Variants in MGAT4C observed in about 807,000 individuals in gnomAD.
MGAT4C encodes the protein alpha-1,3-mannosyl-glycoprotein 4-beta-N-acetylglucosaminyltransferase C.
Under a neutral mutation model 40.1 loss-of-function variants are expected in MGAT4C, and 19 were observed. The observed-to-expected ratio is 0.47, with a 90% confidence interval of 0.33 to 0.70. The LOEUF (loss-of-function observed/expected upper bound fraction) is 0.70, where lower values mean the gene tolerates loss of function less well. Ranked by LOEUF, MGAT4C falls within the 30% of genes least tolerant of loss-of-function variation. The probability of loss-of-function intolerance (pLI) is 0.02; values close to 1 mark genes in which losing one functional copy is unlikely to be tolerated. For synonymous variants in MGAT4C, 181 were observed against 187.1 expected (o/e 0.97, Z 0.27); for missense variants, 491 against 563.2 (o/e 0.87, Z 1.30).
intron 3 of MGAT4C, among the ~76,000 whole-genome samples, chr12:86,421,590 G>C (rs1311710745): frequency 6.6e-6 from 1 of 152,028 alleles, no homozygotes; most frequent in East Asian, 1.9e-4. Flanking sequence ...TTGCCAACTA[G>C]CCTAGAGAAA....
intron 4 of MGAT4C, among the ~76,000 whole-genome samples, chr12:86,274,051 G>A (rs920195897): frequency 6.6e-6 from 1 of 152,170 alleles, no homozygotes; most frequent in Admixed American, 6.5e-5. Flanking sequence ...TACAATCATG[G>A]CAGATAATTT....
chr12:86,022,128 A>T (rs1256854560), intron 2 of MGAT4C, among the ~76,000 whole-genome samples: 1 of 152,240 alleles, frequency 6.6e-6, no homozygotes. Context: ...TTGAGTTTAT[A>T]CTAGGTACCA....
At chr12:86,342,030 G>T (rs886992437) in intron 3 of MGAT4C, among the ~76,000 whole-genome samples, 1 of 152,042 alleles carries the variant, frequency 6.6e-6, no homozygotes, top group African/African-American at 2.4e-5. Flanking sequence ...TTTTTTAAGT[G>T]GGTTCCTGTC....
At chr12:86,528,993 G>T (rs549864348) in intron 2 of MGAT4C, among the ~76,000 whole-genome samples, 1 of 151,704 alleles carries the variant, frequency 6.6e-6, no homozygotes, top group Non-Finnish European at 1.5e-5. Context: ...ACCACTAAAA[G>T]AATATTCAAA....
At chr12:86,524,309 T>C (rs1054563820) in intron 2 of MGAT4C, among the ~76,000 whole-genome samples, 1 of 152,200 alleles carries the variant, frequency 6.6e-6, no homozygotes, top group Non-Finnish European at 1.5e-5. Flanking sequence ...CCTCAGCATT[T>C]ACTTGGCTGA....
At chr12:86,437,425 C>T (rs1470473596) in intron 2 of MGAT4C, among the ~76,000 whole-genome samples, 9 of 151,572 alleles carry the variant, frequency 5.9e-5, no homozygotes, top group South Asian at 2.1e-4. Context: ...TTATTGTTGA[C>T]GTCCCCCTCT....
intron 1 of MGAT4C, among the ~76,000 whole-genome samples, chr12:86,771,161 T>C (rs1951627752): frequency 6.6e-6 from 1 of 152,068 alleles, no homozygotes; most frequent in African/African-American, 2.4e-5. Context: ...ACATATCCTT[T>C]CCTCATGGGC....
At chr12:86,672,439 T>A (rs1019192029) in intron 2 of MGAT4C, among the ~76,000 whole-genome samples, 15 of 152,016 alleles carry the variant, frequency 9.9e-5, no homozygotes, top group African/African-American at 3.6e-4. Context: ...AGAGCACAAA[T>A]AAATGAAATT....
intron 3 of MGAT4C, among the ~76,000 whole-genome samples, chr12:86,337,692 T>C (rs1045029107): frequency 6.6e-6 from 1 of 151,562 alleles, no homozygotes; most frequent in Non-Finnish European, 1.5e-5. Flanking sequence ...TTTGAGTAAA[T>C]ATTTGCAGAT....
chr12:86,237,671 T>C (rs1255781440), intron 1 of MGAT4C, among the ~76,000 whole-genome samples: 3 of 151,914 alleles, frequency 2.0e-5, no homozygotes, highest in African/African-American at 7.2e-5. Flanking sequence ...GATAAATTTG[T>C]GTTGCTGTAA....
rs1565788395 is a variant in MGAT4C, at chr12:85,957,670, A to G, written c.*21619T>C. 1 of 148,314 alleles carries G rather than the reference A, an allele frequency of 6.7e-6. No individual in the cohort carries two copies. Among genetic ancestry groups the G allele is most frequent in the African/African-American group, 2.5e-5 (1 of 39,758 alleles). The allele number at this position is 148,314 out of a possible 1,614,324, so 9.2% of individuals were successfully genotyped here. ...TGAATAAGAAAGCAAAAAAAAAAAA[A>G]AAAGAAAAAAGAAAAAAAAAATCTA... On this transcript the variant is annotated 3_prime_UTR_variant, in exon 5 of 5. Transcript: ENST00000611864.
chr12:86,351,739 T>C (rs561341951), intron 3 of MGAT4C, among the ~76,000 whole-genome samples: 1 of 152,198 alleles, frequency 6.6e-6, no homozygotes, highest in Non-Finnish European at 1.5e-5. Flanking sequence ...GGGGAAATGG[T>C]AAATTATTGC....
chr12:86,436,923 T>A (rs1174185971), intron 2 of MGAT4C, among the ~76,000 whole-genome samples: 1 of 151,818 alleles, frequency 6.6e-6, no homozygotes, highest in African/African-American at 2.4e-5. Flanking sequence ...TACCTATTGA[T>A]TATTTGCTAA....
chr12:86,291,788 A>T (rs1953525025), intron 4 of MGAT4C, among the ~76,000 whole-genome samples: 1 of 148,974 alleles, frequency 6.7e-6, no homozygotes, highest in Non-Finnish European at 1.5e-5. Context: ...TAATAACTGC[A>T]ATTAGCCAAA....
intron 3 of MGAT4C, among the ~76,000 whole-genome samples, chr12:86,418,816 T>A (rs925436682): frequency 6.6e-6 from 1 of 151,880 alleles, no homozygotes; most frequent in African/African-American, 2.4e-5. Flanking sequence ...TTAAAGAAAT[T>A]GCAAATATAA....
chr12:86,170,880 G>T (rs1016705441), intron 1 of MGAT4C, among the ~76,000 whole-genome samples: 9 of 152,022 alleles, frequency 5.9e-5, no homozygotes, highest in African/African-American at 2.2e-4. Context: ...TTGAGCCCAG[G>T]CTGGGCGACA....
intron 1 of MGAT4C, among the ~76,000 whole-genome samples, chr12:86,185,921 C>A (rs1429636784): frequency 6.6e-6 from 1 of 151,874 alleles, no homozygotes; most frequent in Non-Finnish European, 1.5e-5. Flanking sequence ...TTCCCCTCCC[C>A]ACCCCAGAAA....
At position 86,383,077 on chromosome 12, in the gene MGAT4C, T is replaced by C. The variant is rs189235317; in HGVS notation, c.-119-48950A>G. ...ATGGTAGATCCACTGACAGCCTGCA[T>C]TGGGTTTCTTGAAAAGCTACAGACA... On this transcript the variant is annotated intron_variant, in intron 3 of 7. Coordinates refer to the MGAT4C transcript ENST00000548651. Among the ~76,000 whole-genome samples the C allele has an allele frequency of 9.2e-5, 14 of 152,248 alleles. 1 individual carries two copies. The highest frequency in any genetic ancestry group is 2.6e-4 in the African/African-American group (11 of 41,556).
intron 1 of MGAT4C, among the ~76,000 whole-genome samples, chr12:86,769,580 G>A (rs1951589984): frequency 6.6e-6 from 1 of 152,110 alleles, no homozygotes; most frequent in Non-Finnish European, 1.5e-5. Context: ...GTTTATTGCA[G>A]CACTATTCAC....
Sources: allele counts gnomAD v4.1 joint callset (sites outside exome capture counted in the v4.1 genomes callset), GRCh38; gene constraint gnomAD v4.1.1; transcripts MANE v1.5; gene names NCBI Gene and HGNC (gene_info 2026-07-23, HGNC 2026-07-21).